USP15: variants seen among roughly 807,000 people sequenced by gnomAD.
The protein encoded by USP15 is ubiquitin specific peptidase 15.
Under a neutral mutation model 127.1 loss-of-function variants are expected in USP15, and 18 were observed. That is an observed-to-expected ratio of 0.14 (90% confidence interval 0.10 to 0.21). The LOEUF (loss-of-function observed/expected upper bound fraction) is 0.21. USP15 is among the 10% of genes least tolerant of loss of function. The pLI, the probability that USP15 is intolerant of heterozygous loss-of-function variation, is 1.00. For synonymous variants in USP15, 364 were observed against 393.7 expected (o/e 0.92, Z 0.89); for missense variants, 805 against 1,159.9 (o/e 0.69, Z 4.44).
intron 4 of USP15, among the ~76,000 whole-genome samples, chr12:62,317,769 T>TA (rs2064872997): frequency 6.6e-6 from 1 of 152,190 alleles, no homozygotes; most frequent in African/African-American, 2.4e-5. Context: ...CCTACACTGA[T>TA]ATATAGTAAA....
intron 1 of USP15, among the ~76,000 whole-genome samples, chr12:62,292,589 C>T (rs1002345142): frequency 2.6e-5 from 4 of 152,174 alleles, no homozygotes; most frequent in Non-Finnish European, 1.5e-5. Context: ...GGAGAAGTTC[C>T]CTTCTCTATG....
chr12:62,371,895 G>C (rs2066682575), intron 8 of USP15, among the ~76,000 whole-genome samples: 1 of 152,226 alleles, frequency 6.6e-6, no homozygotes, highest in East Asian at 1.9e-4. Flanking sequence ...AACTTCTTCT[G>C]TGTGTGTGAG....
At chr12:62,378,281 A>G (rs868574037) in intron 8 of USP15, among the ~76,000 whole-genome samples, 46 of 152,204 alleles carry the variant, frequency 3.0e-4, no homozygotes, top group African/African-American at 1.0e-3. Context: ...TGGTATTTTT[A>G]TGAGGGAGAA....
At chr12:62,279,055 G>A (rs927932845) in intron 1 of USP15, 2 of 151,962 alleles carry the variant, frequency 1.3e-5, no homozygotes, top group South Asian at 2.1e-4. Flanking sequence ...ATTTTTTTCT[G>A]TACAATATAA....
At chr12:62,399,230 A>G (rs1300292880) in intron 20 of USP15, among the ~76,000 whole-genome samples, 2 of 152,208 alleles carry the variant, frequency 1.3e-5, no homozygotes, top group African/African-American at 4.8e-5. Flanking sequence ...ACAGGTCAAG[A>G]AACAATACAG....
intron 20 of USP15, among the ~76,000 whole-genome samples, chr12:62,399,954 T>A (rs1056357541): frequency 3.3e-5 from 5 of 152,144 alleles, no homozygotes; most frequent in Non-Finnish European, 7.4e-5. Flanking sequence ...GGTAACTTAA[T>A]AGAAAGAGAA....
At chr12:62,286,539 C>T (rs2063791635) in intron 1 of USP15, among the ~76,000 whole-genome samples, 2 of 152,118 alleles carry the variant, frequency 1.3e-5, no homozygotes, top group African/African-American at 2.4e-5. Flanking sequence ...ATAAATCATT[C>T]TACCAAAAAG....
intron 14 of USP15, among the ~76,000 whole-genome samples, 198 bp downstream of exon 14, chr12:62,390,186 C>A (rs373889839): frequency 3.3e-5 from 5 of 152,038 alleles, no homozygotes; most frequent in African/African-American, 1.2e-4. Flanking sequence ...AATTTCAAAC[C>A]CAGGAAGCAC....
chr12:62,367,219 T>TTTTG (rs928074760), intron 8 of USP15, among the ~76,000 whole-genome samples: 5 of 152,026 alleles, frequency 3.3e-5, no homozygotes, highest in African/African-American at 9.6e-5. Context: ...GGAGTTGTTT[T>TTTTG]TTTGTTTGTT....
rs573774997 is a variant in USP15, at chr12:62,264,572, T to TTCA, written c.89+4071_89+4073dup. Among the ~76,000 whole-genome samples, 29 of 152,332 alleles carry TTCA rather than the reference T, an allele frequency of 1.9e-4. 1 individual carries two copies. The South Asian group carries it at 5.8e-3, about 30-fold the overall frequency. On this transcript the variant is annotated intron_variant, in intron 1 of 21. Coordinates refer to ENST00000280377, the MANE Select transcript of USP15 (RefSeq NM_001252078.2). The stretch of plus-strand genomic sequence containing the variant: ...AGTCATTTAAAATCTCTGTGACATT[T>TTCA]TCATTTCAATAATTGCCAAAGAATC...
At chr12:62,396,788 G>T (rs1592732921) in intron 20 of USP15, among the ~76,000 whole-genome samples, 1 of 152,082 alleles carries the variant, frequency 6.6e-6, no homozygotes, top group African/African-American at 2.4e-5. Flanking sequence ...AGACTTATCT[G>T]TGTTGCTTTG....
At chr12:62,318,319 C>G (rs990843805) in intron 4 of USP15, among the ~76,000 whole-genome samples, 56 of 152,196 alleles carry the variant, frequency 3.7e-4, no homozygotes, top group African/African-American at 1.3e-3. Flanking sequence ...TCTGTTGGTA[C>G]TACTACTGTC....
chr12:62,280,033 A>G (rs1320110685), intron 1 of USP15, among the ~76,000 whole-genome samples: 1 of 152,178 alleles, frequency 6.6e-6, no homozygotes. Context: ...TATATACTCC[A>G]TCTGAAATTA....
chr12:62,304,699 A>G (rs2064422758), intron 3 of USP15: 1 of 454,772 alleles, frequency 2.2e-6, no homozygotes, highest in African/African-American at 2.0e-5. Context: ...ATGGACGAAA[A>G]GAAAGCAAGG....
Position 62,391,212 on chromosome 12 carries a change from C to T in USP15, c.2016C>T (p.Pro672=), listed in dbSNP as rs1404907882. Residue 672 remains proline, a synonymous_variant, in exon 16 of 22, where the codon CCC becomes CCT. Coordinates refer to ENST00000280377, the MANE Select transcript of USP15 (RefSeq NM_001252078.2). ...AATCCAGCCAGGATCAAGAACTTCC[C>T]TCAGAGAATGAAAACAGTCAGTCTG... ...DDESSQDQEL[P]SENENSQSED... 3.1e-6 allele frequency: 5 copies of T among 1,613,500 alleles called. No individual in the cohort carries two copies. The South Asian group carries it at 5.5e-5, about 18-fold the overall frequency.
chr12:62,343,150 A>T (rs531873474), intron 6 of USP15, among the ~76,000 whole-genome samples: 10 of 152,290 alleles, frequency 6.6e-5, no homozygotes, highest in African/African-American at 2.4e-4. Flanking sequence ...GTCTGGCCAC[A>T]GCCACTTTGC....
chr12:62,294,506 C>T (rs1275163359), intron 2 of USP15, 200 bp downstream of exon 2: 1 of 464,556 alleles, frequency 2.2e-6, no homozygotes, highest in Non-Finnish European at 3.6e-6. Context: ...TTTTGTTTTT[C>T]ATTTATGATG....
At chr12:62,261,771 G>A (rs941112656) in intron 1 of USP15, among the ~76,000 whole-genome samples, 1 of 152,144 alleles carries the variant, frequency 6.6e-6, no homozygotes, top group African/African-American at 2.4e-5. Context: ...ATCATTTTCA[G>A]TTAAGCTAAT....
chr12:62,318,366 G>A (rs544909840), intron 4 of USP15, among the ~76,000 whole-genome samples: 3 of 152,160 alleles, frequency 2.0e-5, no homozygotes, highest in Admixed American at 6.5e-5. Flanking sequence ...CAAATCCAGT[G>A]GTAATATAGA....
Sources: allele counts gnomAD v4.1 joint callset (sites outside exome capture counted in the v4.1 genomes callset), GRCh38; gene constraint gnomAD v4.1.1; transcripts MANE v1.5; gene names NCBI Gene and HGNC (gene_info 2026-07-23, HGNC 2026-07-21).